EFR3A: variants seen among roughly 807,000 people sequenced by gnomAD.
The protein encoded by EFR3A is protein EFR3 homolog A.
Under a neutral mutation model 104.4 loss-of-function variants are expected in EFR3A, and 76 were observed. The observed-to-expected ratio is 0.73, with a 90% CI of 0.60 to 0.88. EFR3A has a LOEUF of 0.88. Among genes scored for constraint, EFR3A ranks in the 40% least tolerant of loss-of-function variants. The pLI, the probability that EFR3A is intolerant of heterozygous loss-of-function variation, is 0.00. For synonymous variants in EFR3A, 330 were observed against 330.0 expected (o/e 1.00, Z 0.00); for missense variants, 985 against 1,012.5 (o/e 0.97, Z 0.37).
At chr8:131,932,840 A>G (rs1817678904) in intron 1 of EFR3A, among the ~76,000 whole-genome samples, 1 of 152,138 alleles carries the variant, frequency 6.6e-6, no homozygotes, top group Admixed American at 6.6e-5. Flanking sequence ...GCTTAGTACT[A>G]TTATAAATTC....
rs1822311053 is a variant in EFR3A at position 132,010,876 on chromosome 8, C to T, written c.2447C>T (p.Pro816Leu). The T allele has an allele frequency of 6.2e-7, 1 of 1,612,144 alleles. No individual in the cohort carries two copies. Among genetic ancestry groups the T allele is most frequent in the Non-Finnish European group, 8.5e-7 (1 of 1,178,758 alleles). ...GTCCCAGTCTATGAGATGAAGTTTCCAGATCTGTGTGTGTACTGATCGGCG... is the reference window on the plus strand; with the variant it reads ...GTCCCAGTCTATGAGATGAAGTTTCTAGATCTGTGTGTGTACTGATCGGCG... ...QSVPVYEMKFPDLCVY is the reference protein window; with the variant it reads ...QSVPVYEMKFLDLCVY The change falls in exon 23 of 23, where the codon CCA becomes CTA. Residue 816 changes from proline to leucine, a missense_variant. Physicochemically the swap from Pro to Leu is moderately conservative, Grantham distance 98. Coordinates refer to ENST00000254624, the MANE Select transcript of EFR3A (RefSeq NM_015137.6).
At chr8:131,966,651 T>C (rs1275271205) in intron 8 of EFR3A, among the ~76,000 whole-genome samples, 3 of 152,144 alleles carry the variant, frequency 2.0e-5, no homozygotes, top group African/African-American at 4.8e-5. Flanking sequence ...AATAAAATGC[T>C]CTCTTAATCT....
At chr8:131,934,364 C>T (rs75819622) in intron 1 of EFR3A, among the ~76,000 whole-genome samples, 2 of 152,070 alleles carry the variant, frequency 1.3e-5, no homozygotes, top group Admixed American at 6.6e-5. Flanking sequence ...GTATCCAGTT[C>T]GAGTTCCATG....
chr8:131,975,002 A>G (rs941234950), intron 10 of EFR3A, among the ~76,000 whole-genome samples: 1 of 152,234 alleles, frequency 6.6e-6, no homozygotes, highest in Admixed American at 6.5e-5. Flanking sequence ...GTCTGTTCCA[A>G]TCTTTCAAAG....
At chr8:131,967,069 G>C (rs1004242227) in intron 8 of EFR3A, among the ~76,000 whole-genome samples, 5 of 152,062 alleles carry the variant, frequency 3.3e-5, no homozygotes, top group Non-Finnish European at 7.4e-5. Flanking sequence ...ACCTATAAAG[G>C]CAGACTAATA....
chr8:131,913,790 C>T (rs1016907307), intron 1 of EFR3A, among the ~76,000 whole-genome samples: 1 of 152,160 alleles, frequency 6.6e-6, no homozygotes, highest in African/African-American at 2.4e-5. Context: ...GAATTTCACT[C>T]CTGATGAGCC....
chr8:131,917,131 G>C (rs1291662768), intron 1 of EFR3A, among the ~76,000 whole-genome samples: 1 of 152,218 alleles, frequency 6.6e-6, no homozygotes, highest in Non-Finnish European at 1.5e-5. Context: ...ATGTGTATTT[G>C]TGAAACAACA....
In EFR3A at chr8:131,945,532, C is replaced by T. The variant is rs9987265; in HGVS notation, c.215+660C>T. ...GATATATTAGCTTTCTGTACCTTTG[C>T]GTTGTTACCACTTAGAACATTTTAG... On this transcript the variant is annotated intron_variant, in intron 3 of 22. Transcript: ENST00000254624. Among the ~76,000 whole-genome samples the T allele has an allele frequency of 9.6e-4, 146 of 152,080 alleles. 1 individual carries two copies. Among genetic ancestry groups the T allele is most frequent in the African/African-American group, 3.3e-3 (135 of 41,526 alleles).
In EFR3A at chr8:132,011,116, G is replaced by T; in HGVS notation, c.*221G>T. On this transcript the variant is annotated 3_prime_UTR_variant, in exon 23 of 23. Transcript: ENST00000254624. ...TTATGCCATGTTAATTTGCTTTGAG[G>T]TTCCTGTTGCCTTTTTAAGTTGAAC... The T allele has an allele frequency of 1.7e-6, 2 of 1,204,844 alleles. No individual in the cohort carries two copies. The highest frequency in any genetic ancestry group is 2.1e-6 in the Non-Finnish European group (2 of 965,082). 74.6% of individuals were successfully genotyped at this position (1,204,844 alleles called of 1,614,324 possible).
At position 131,970,498 on chromosome 8, in the gene EFR3A, C is replaced by A. The variant is rs1365572338; in HGVS notation, c.1014C>A (p.Phe338Leu). 1 of 1,613,810 alleles carries A rather than the reference C, an allele frequency of 6.2e-7. No individual in the cohort carries two copies. The highest frequency in any genetic ancestry group is 1.1e-5 in the South Asian group (1 of 91,060). ...TAGGTCCGACAGTGCTGGAAGTCTT[C>A]AATACCCTTTTGAAACATCTGCGTC... ...GSIGPTVLEVFNTLLKHLRLS... is the reference protein window; with the variant it reads ...GSIGPTVLEVLNTLLKHLRLS... Residue 338 changes from phenylalanine (F) to leucine (L), a missense_variant, in exon 10 of 23, where the codon TTC (phenylalanine) becomes TTA (leucine). Phe to Leu is a conservative substitution (Grantham distance 22, BLOSUM62 0). Transcript: ENST00000254624.
chr8:131,923,936 A>G (rs1013660338), intron 1 of EFR3A, among the ~76,000 whole-genome samples: 2 of 152,066 alleles, frequency 1.3e-5, no homozygotes, highest in African/African-American at 4.8e-5. Context: ...TTTTTAAGCA[A>G]TTAAAAGCCC....
At chr8:131,996,027 C>A (rs1401913722) in intron 18 of EFR3A, among the ~76,000 whole-genome samples, 2 of 152,070 alleles carry the variant, frequency 1.3e-5, no homozygotes, top group Non-Finnish European at 2.9e-5. Context: ...GATATAAGGG[C>A]AATATTGTCA....
At chr8:132,005,746 A>G (rs957267122) in intron 22 of EFR3A, among the ~76,000 whole-genome samples, 1 of 152,164 alleles carries the variant, frequency 6.6e-6, no homozygotes, top group African/African-American at 2.4e-5. Context: ...AGGATATAAG[A>G]TTTGAACCAT....
In EFR3A at chr8:131,925,242, T is replaced by C. The variant is rs74886335; in HGVS notation, c.11-15257T>C. Among the ~76,000 whole-genome samples, 621 of 152,312 alleles carry C rather than the reference T, an allele frequency of 4.1e-3. 3 individuals are homozygous for C. The highest frequency in any genetic ancestry group is 0.014 in the African/African-American group (591 of 41,576). On this transcript the variant is annotated intron_variant, in intron 1 of 22. Transcript: ENST00000254624. ...TGATATTTTAACATTTACTATGTGA[T>C]ACATCCTGTGCTAAGCATTTTGTAA...
chr8:131,966,002 A>G (rs976770695), intron 8 of EFR3A, among the ~76,000 whole-genome samples: 3 of 152,110 alleles, frequency 2.0e-5, no homozygotes, highest in African/African-American at 7.2e-5. Context: ...ATAGGTGGGA[A>G]TTGAACAGTG....
chr8:131,946,334 A>G, intron 3 of EFR3A, 149 bp from the exon 4 acceptor site: 1 of 635,232 alleles, frequency 1.6e-6, no homozygotes, highest in South Asian at 3.9e-5. Context: ...GTGCTGTGTG[A>G]GAATTAAGAT....
Position 131,944,866 on chromosome 8 carries a change from G to C in EFR3A, c.209G>C (p.Arg70Pro). 1 of 1,608,430 alleles carries C rather than the reference G, an allele frequency of 6.2e-7. No individual in the cohort carries two copies. The highest frequency in any genetic ancestry group is 1.1e-5 in the South Asian group (1 of 89,788). ...ERLSRDVVRHRSGYVLIAMEA... is the reference protein window; with the variant it reads ...ERLSRDVVRHPSGYVLIAMEA... ...TTGAGCAGGGATGTTGTCAGACATC[G>C]TTCTGGGTAAGGAAACTAATGGCTG... is the stretch of plus-strand genomic sequence containing the variant. Residue 70 changes from arginine (R) to proline (P), a missense_variant, in exon 3 of 23, where the codon CGT becomes CCT. Coordinates refer to ENST00000254624, the MANE Select transcript of EFR3A (RefSeq NM_015137.6).
chr8:132,003,420 T>C, intron 22 of EFR3A, 135 bp downstream of exon 22: 1 of 811,190 alleles, frequency 1.2e-6, no homozygotes, highest in Non-Finnish European at 2.0e-6. Context: ...TAACATAAGA[T>C]CATATAGGTG....
rs545068591 is a variant in EFR3A, at chr8:131,940,639, C to T, written c.87+64C>T. On this transcript the variant is annotated intron_variant, in intron 2 of 22. Coordinates refer to ENST00000254624, the MANE Select transcript of EFR3A (RefSeq NM_015137.6). ...ACCCATTCTGCCCCCCGCTGACCTC[C>T]TTAAGGTTTCCCTAATTTCATTTCT... 1.2e-4 allele frequency: 178 copies of T among 1,532,558 alleles called. No individual in the cohort carries two copies. The South Asian group carries it at 2.0e-3, about 18-fold the overall frequency. 94.9% of individuals were successfully genotyped at this position (1,532,558 alleles called of 1,614,324 possible).
Sources: allele counts gnomAD v4.1 joint callset (sites outside exome capture counted in the v4.1 genomes callset), GRCh38; gene constraint gnomAD v4.1.1; transcripts MANE v1.5; gene names NCBI Gene and HGNC (gene_info 2026-07-23, HGNC 2026-07-21).